The following CLSTN2 variants were observed in gnomAD, a reference collection of about 807,000 sequenced individuals.
CLSTN2 encodes the protein calsyntenin-2.
CLSTN2 carries 48 observed loss-of-function variants against 101.2 expected under a neutral mutation model. The ratio of observed to expected loss-of-function variants is 0.47; its 90% CI spans 0.38 to 0.60. CLSTN2 has a LOEUF of 0.60. Ranked by LOEUF, CLSTN2 falls within the 20% of genes least tolerant of loss-of-function variation. CLSTN2 has a pLI of 0.00. For synonymous variants in CLSTN2, 481 were observed against 463.6 expected, an observed-to-expected ratio of 1.04 and a Z score of -0.48; for missense variants, 1,160 against 1,238.2, an observed-to-expected ratio of 0.94 and a Z score of 0.95.
intron 7 of CLSTN2, among the ~76,000 whole-genome samples, chr3:140,461,565 C>A (rs1201809225): frequency 6.6e-6 from 1 of 152,086 alleles, no homozygotes; most frequent in Non-Finnish European, 1.5e-5. Flanking sequence ...CAGATGATTA[C>A]CAAGAAAGAC....
intron 2 of CLSTN2, among the ~76,000 whole-genome samples, chr3:140,307,716 T>G (rs2087128954): frequency 6.6e-6 from 1 of 152,306 alleles, no homozygotes; most frequent in Admixed American, 6.5e-5. Context: ...TCCCTGTATC[T>G]TCTTGAAATC....
intron 2 of CLSTN2, among the ~76,000 whole-genome samples, chr3:140,272,819 T>C (rs2086755343): frequency 6.6e-6 from 1 of 152,166 alleles, no homozygotes; most frequent in South Asian, 2.1e-4. Flanking sequence ...TACACCTCAT[T>C]GTATTGATTA....
intron 1 of CLSTN2, among the ~76,000 whole-genome samples, chr3:139,985,969 C>A (rs1018133830): frequency 1.3e-5 from 2 of 152,130 alleles, no homozygotes; most frequent in African/African-American, 4.8e-5. Context: ...CTAGTGGCTG[C>A]TACACTCGAC....
chr3:140,023,867 C>T (rs1655612168), intron 1 of CLSTN2, among the ~76,000 whole-genome samples: 1 of 152,230 alleles, frequency 6.6e-6, no homozygotes, highest in Non-Finnish European at 1.5e-5. Flanking sequence ...AGCACTGAGC[C>T]TGGGTGTGTC....
rs559036282 is a variant in CLSTN2 at position 140,192,875 on chromosome 3, T to C, written c.232+16802T>C. ...GGGGTAGGGGGAGGTTCTGTTTTCCTGCTTTCTTGTCAGTTGGACACATTT... is the reference window on the plus strand; with the variant it reads ...GGGGTAGGGGGAGGTTCTGTTTTCCCGCTTTCTTGTCAGTTGGACACATTT... On this transcript the variant is annotated intron_variant, in intron 2 of 16. Coordinates refer to ENST00000458420, the MANE Select transcript of CLSTN2 (RefSeq NM_022131.3). Among the ~76,000 whole-genome samples, 79 of 152,082 alleles carry C rather than the reference T, an allele frequency of 5.2e-4. 1 individual carries two copies. The South Asian group carries it at 0.016, about 32-fold the overall frequency.
intron 1 of CLSTN2, among the ~76,000 whole-genome samples, chr3:139,978,138 A>G (rs1935852180): frequency 6.6e-6 from 1 of 152,214 alleles, no homozygotes; most frequent in Admixed American, 6.5e-5. Context: ...AGGAGCAGAA[A>G]AAAGCAAGGG....
At chr3:140,129,286 G>A (rs1022109852) in intron 1 of CLSTN2, among the ~76,000 whole-genome samples, 2 of 152,096 alleles carry the variant, frequency 1.3e-5, no homozygotes, top group African/African-American at 4.8e-5. Context: ...GACAAAGCAG[G>A]AATAATGTCT....
At chr3:140,324,182 A>T (rs1436233117) in intron 2 of CLSTN2, among the ~76,000 whole-genome samples, 1 of 152,252 alleles carries the variant, frequency 6.6e-6, no homozygotes. Context: ...AATTAAAAAC[A>T]GTTGATGGAG....
At chr3:140,076,408 G>T (rs2008489286) in intron 1 of CLSTN2, among the ~76,000 whole-genome samples, 1 of 152,016 alleles carries the variant, frequency 6.6e-6, no homozygotes, top group African/African-American at 2.4e-5. Flanking sequence ...ACAAACTCCA[G>T]GCTCTGCTCA....
In CLSTN2 at chr3:140,053,395, G is replaced by A. The variant is rs182087157; in HGVS notation, c.109+117912G>A. ...CCGGAGTTACTGGATTGTGTCTGAG[G>A]ATAAACTCGCTGGTCAGCTGGGTGG... is the stretch of plus-strand genomic sequence containing the variant. On this transcript the variant is annotated intron_variant, in intron 1 of 16. Coordinates refer to ENST00000458420, the MANE Select transcript of CLSTN2 (RefSeq NM_022131.3). Among the ~76,000 whole-genome samples, 7 of 152,290 alleles carry A rather than the reference G, an allele frequency of 4.6e-5. No individual in the cohort carries two copies. In the East Asian group the frequency reaches 1.4e-3, roughly 29 times the overall value.
At chr3:140,491,794 C>T (rs141111366) in intron 8 of CLSTN2, among the ~76,000 whole-genome samples, 19 of 152,270 alleles carry the variant, frequency 1.2e-4, no homozygotes, top group African/African-American at 4.6e-4. Context: ...TGCACTCCAG[C>T]CTGGGCAACT....
chr3:140,543,249 C>T (rs922321403), intron 9 of CLSTN2, among the ~76,000 whole-genome samples: 5 of 152,184 alleles, frequency 3.3e-5, no homozygotes, highest in African/African-American at 1.2e-4. Context: ...CACAGGCTCA[C>T]ACCCTCCGCC....
At chr3:140,192,857 G>A (rs557947473) in intron 2 of CLSTN2, among the ~76,000 whole-genome samples, 66 of 151,864 alleles carry the variant, frequency 4.3e-4, no homozygotes, top group African/African-American at 1.5e-3. Flanking sequence ...GGCGGGGTAG[G>A]GGGAGGTTCT....
intron 2 of CLSTN2, among the ~76,000 whole-genome samples, chr3:140,196,009 G>A (rs1225314404): frequency 6.6e-6 from 1 of 152,210 alleles, no homozygotes; most frequent in East Asian, 1.9e-4. Context: ...ATGGAGAAGA[G>A]GTTTCAGAAA....
intron 2 of CLSTN2, among the ~76,000 whole-genome samples, chr3:140,284,009 A>T (rs1364422062): frequency 6.6e-6 from 1 of 152,212 alleles, no homozygotes; most frequent in Non-Finnish European, 1.5e-5. Flanking sequence ...TAAAAATTGG[A>T]AGCTGGTAAA....
chr3:140,094,892 G>A lies in CLSTN2; in HGVS notation c.110-81059G>A, dbSNP rs115878511. Among the ~76,000 whole-genome samples, 598 of 152,314 alleles carry A rather than the reference G, an allele frequency of 3.9e-3. 3 individuals are homozygous for A. The highest frequency in any genetic ancestry group is 8.0e-3 in the African/African-American group (333 of 41,576). Reference sequence around the variant, plus strand: ...AGCAAACTGACTTTCCGTAAATTACGTTATAATACGTCAAGGATCGTACTG... The same window carrying A: ...AGCAAACTGACTTTCCGTAAATTACATTATAATACGTCAAGGATCGTACTG... On this transcript the variant is annotated intron_variant, in intron 1 of 16. Coordinates refer to ENST00000458420, the MANE Select transcript of CLSTN2 (RefSeq NM_022131.3).
At chr3:140,556,838 G>A in intron 11 of CLSTN2, 177 bp downstream of exon 11, 2 of 605,972 alleles carry the variant, frequency 3.3e-6, no homozygotes, top group Non-Finnish European at 5.7e-6. Context: ...TTCTTCCTAA[G>A]CAAGATGTTC....
intron 2 of CLSTN2, among the ~76,000 whole-genome samples, chr3:140,344,326 T>G (rs1261414383): frequency 6.6e-6 from 1 of 152,198 alleles, no homozygotes; most frequent in Admixed American, 6.5e-5. Flanking sequence ...AGGACAGGGC[T>G]GACTGCACAA....
chr3:140,340,487 G>A (rs2087481991), intron 2 of CLSTN2, among the ~76,000 whole-genome samples: 1 of 152,188 alleles, frequency 6.6e-6, no homozygotes, highest in South Asian at 2.1e-4. Flanking sequence ...GTTATGCCTG[G>A]AAGACACAAT....
Sources: allele counts gnomAD v4.1 joint callset (sites outside exome capture counted in the v4.1 genomes callset), GRCh38; gene constraint gnomAD v4.1.1; transcripts MANE v1.5; gene names NCBI Gene and HGNC (gene_info 2026-07-23, HGNC 2026-07-21).